Variants in ZBTB20 observed in about 807,000 individuals in gnomAD.
ZBTB20 encodes zinc finger and BTB domain containing 20.
In ZBTB20, 9 loss-of-function variants were observed where a neutral mutation model predicts 56.9. That is an observed-to-expected ratio of 0.16 (90% CI 0.10 to 0.28). ZBTB20 has a LOEUF of 0.28. Among genes scored for constraint, ZBTB20 ranks in the 10% least tolerant of loss-of-function variants. ZBTB20 has a pLI of 1.00. For missense variants in ZBTB20, 655 were observed against 1,003.0 expected (o/e 0.65, Z 4.69); for synonymous variants, 417 against 420.7 (o/e 0.99, Z 0.11).
intron 6 of ZBTB20, among the ~76,000 whole-genome samples, chr3:114,650,683 T>A (rs2060082660): frequency 6.6e-6 from 1 of 151,986 alleles, no homozygotes; most frequent in African/African-American, 2.4e-5. Context: ...TTTAAAATTA[T>A]TTCAACCATA....
chr3:114,696,807 G>A (rs1308043248), intron 5 of ZBTB20, among the ~76,000 whole-genome samples: 1 of 152,016 alleles, frequency 6.6e-6, no homozygotes, highest in Non-Finnish European at 1.5e-5. Context: ...GAAAGAGCGA[G>A]AGAAAAAGAG....
At position 115,035,908 on chromosome 3, in the gene ZBTB20, G is replaced by T. The variant is rs58213750; in HGVS notation, c.-507+35311C>A. On this transcript the variant is annotated intron_variant, in intron 2 of 11. Coordinates refer to ENST00000675478, the MANE Select transcript of ZBTB20 (RefSeq NM_001348800.3). ...TTCAGTCTTAAAAAGTAAGGAAATT[G>T]TGACATATGCTACAACATCAGTGAA... 5.9e-3 allele frequency among the ~76,000 whole-genome samples: 892 copies of T among 152,152 alleles called. 11 individuals carry two copies. Among genetic ancestry groups the T allele is most frequent in the African/African-American group, 0.021 (865 of 41,436 alleles).
intron 4 of ZBTB20, among the ~76,000 whole-genome samples, chr3:114,842,699 C>G (rs2074435737): frequency 6.6e-6 from 1 of 152,186 alleles, no homozygotes; most frequent in South Asian, 2.1e-4. Context: ...GTCTTGGCCA[C>G]TGTTGCAAGG....
At chr3:114,563,342 T>C (rs555243403) in intron 6 of ZBTB20, among the ~76,000 whole-genome samples, 4 of 152,212 alleles carry the variant, frequency 2.6e-5, no homozygotes, top group Non-Finnish European at 4.4e-5. Flanking sequence ...CTGAAAATGA[T>C]GAAAATAAGG....
intron 7 of ZBTB20, among the ~76,000 whole-genome samples, chr3:114,451,757 T>C (rs1261644666): frequency 6.6e-6 from 1 of 152,144 alleles, no homozygotes; most frequent in African/African-American, 2.4e-5. Context: ...CGCCAAGAAC[T>C]GGAGCGGATT....
chr3:115,003,744 C>T (rs1252953414), intron 2 of ZBTB20, among the ~76,000 whole-genome samples: 1 of 151,474 alleles, frequency 6.6e-6, no homozygotes, highest in Non-Finnish European at 1.5e-5. Flanking sequence ...AGGTGACAGG[C>T]ATGTTTCATT....
At chr3:114,688,976 C>T (rs566674850) in intron 6 of ZBTB20, among the ~76,000 whole-genome samples, 10 of 152,252 alleles carry the variant, frequency 6.6e-5, no homozygotes, top group African/African-American at 2.4e-4. Flanking sequence ...ATCTACAGAG[C>T]ATATTCTTCA....
intron 7 of ZBTB20, among the ~76,000 whole-genome samples, chr3:114,398,996 T>C (rs928641155): frequency 1.3e-5 from 2 of 152,204 alleles, no homozygotes; most frequent in African/African-American, 4.8e-5. Flanking sequence ...TGACACAACA[T>C]ACAACAGCGC....
intron 6 of ZBTB20, among the ~76,000 whole-genome samples, chr3:114,521,225 C>T (rs1306277559): frequency 1.3e-5 from 2 of 152,120 alleles, no homozygotes; most frequent in Non-Finnish European, 2.9e-5. Flanking sequence ...ACTATTTCAA[C>T]TGTCAGTCAG....
chr3:115,100,680 T>C (rs1233149772), intron 1 of ZBTB20: 1 of 152,242 alleles, frequency 6.6e-6, no homozygotes, highest in Non-Finnish European at 1.5e-5. Context: ...TTATGAGGAA[T>C]GTATTGTTTC....
rs2078869857 is a variant in ZBTB20 at position 114,320,869 on chromosome 3, G to A, written c.*18136C>T. The A allele has an allele frequency of 6.6e-6, 1 of 152,042 alleles. No homozygotes were observed. The highest frequency in any genetic ancestry group is 1.9e-4 in the East Asian group (1 of 5,198). 9.4% of individuals were successfully genotyped at this position (152,042 alleles called of 1,614,324 possible). A position where few individuals can be genotyped will look rare whatever the true frequency, so the allele number is the denominator to read the frequency against. ...CAGGGCAACAGATTAAAATGAAAAG[G>A]GGTATAGAAAGATATATTTTAGATA... On this transcript the variant is annotated 3_prime_UTR_variant, in exon 12 of 12. Transcript: ENST00000675478.
chr3:114,506,174 G>A (rs1334928195), intron 6 of ZBTB20, among the ~76,000 whole-genome samples: 1 of 152,054 alleles, frequency 6.6e-6, no homozygotes, highest in African/African-American at 2.4e-5. Context: ...TTTTGGATCC[G>A]TCTCAAGAAG....
chr3:114,451,190 C>A (rs919616914), intron 7 of ZBTB20, among the ~76,000 whole-genome samples: 10 of 135,078 alleles, frequency 7.4e-5, no homozygotes, highest in African/African-American at 2.7e-4. Context: ...TGCTTTCAAG[C>A]TTAACAGAGG....
At chr3:115,141,602 G>A (rs1270489431) in intron 1 of ZBTB20, among the ~76,000 whole-genome samples, 1 of 152,152 alleles carries the variant, frequency 6.6e-6, no homozygotes, top group Non-Finnish European at 1.5e-5. Context: ...TAGGGTGACT[G>A]ACCCAGTGCA....
At chr3:114,988,550 G>T (rs141087396) in intron 2 of ZBTB20, among the ~76,000 whole-genome samples, 17 of 151,954 alleles carry the variant, frequency 1.1e-4, no homozygotes, top group Non-Finnish European at 1.5e-5. Flanking sequence ...GAATAGTGCC[G>T]CAATAAGCAT....
intron 6 of ZBTB20, among the ~76,000 whole-genome samples, chr3:114,551,506 A>G (rs1577485971): frequency 6.6e-6 from 1 of 152,334 alleles, no homozygotes; most frequent in East Asian, 1.9e-4. Context: ...AGTAAGCAAT[A>G]AGGGCCTCAG....
At chr3:114,632,868 A>G (rs892962131) in intron 6 of ZBTB20, among the ~76,000 whole-genome samples, 4 of 152,194 alleles carry the variant, frequency 2.6e-5, no homozygotes, top group African/African-American at 9.7e-5. Context: ...TCTTAATGTC[A>G]GGGTTTCCAA....
intron 4 of ZBTB20, among the ~76,000 whole-genome samples, chr3:114,873,534 A>G (rs1372637254): frequency 6.6e-6 from 1 of 152,198 alleles, no homozygotes; most frequent in Non-Finnish European, 1.5e-5. Context: ...TTAAGAGTTT[A>G]GTACACCATC....
chr3:114,725,387 TC>T lies in ZBTB20; in HGVS notation c.-342-31813del, dbSNP rs532355957. Among the ~76,000 whole-genome samples the T allele has an allele frequency of 8.6e-5, 13 of 150,912 alleles. No homozygotes were observed. The South Asian group carries it at 2.5e-3, about 29-fold the overall frequency. On this transcript the variant is annotated intron_variant, in intron 5 of 11. Coordinates refer to ENST00000675478, the MANE Select transcript of ZBTB20 (RefSeq NM_001348800.3). ...AGATTTGCTATCGACTCATCCATTT[TC>T]TTCTTACAAAATAATAAACAGGTTT...
Sources: allele counts gnomAD v4.1 joint callset (sites outside exome capture counted in the v4.1 genomes callset), GRCh38; gene constraint gnomAD v4.1.1; transcripts MANE v1.5; gene names NCBI Gene and HGNC (gene_info 2026-07-23, HGNC 2026-07-21).